The following CLIC5 variants were observed in gnomAD, a reference collection of about 807,000 sequenced individuals.
The protein encoded by CLIC5 is CLIC family member 5.
CLIC5 carries 20 observed loss-of-function variants against 24.7 expected under a neutral mutation model. The observed-to-expected ratio is 0.81, with a 90% CI of 0.57 to 1.18. The LOEUF (loss-of-function observed/expected upper bound fraction) is 1.18, where lower values mean the gene tolerates loss of function less well. Ranked by LOEUF, CLIC5 falls within the 50% of genes most tolerant of loss-of-function variation. The pLI, the probability that CLIC5 is intolerant of heterozygous loss-of-function variation, is 0.00. For synonymous variants in CLIC5, 159 were observed against 135.6 expected (o/e 1.17, Z -1.20); for missense variants, 341 against 326.1 (o/e 1.05, Z -0.35).
At chr6:45,983,846 T>C (rs1765645003) in intron 1 of CLIC5, among the ~76,000 whole-genome samples, 3 of 152,216 alleles carry the variant, frequency 2.0e-5, no homozygotes, top group Admixed American at 2.0e-4. Flanking sequence ...AGTTATTTCC[T>C]TAATAGCACT....
chr6:46,123,426 G>C, the CLIC5 span, among the ~76,000 whole-genome samples: 1 of 151,986 alleles, frequency 6.6e-6, no homozygotes, highest in Non-Finnish European at 1.5e-5. Flanking sequence ...ATTGATGGGA[G>C]GTATCTAAAA....
chr6:45,885,000 G>T (rs1314506638), intron 6 of CLIC5, among the ~76,000 whole-genome samples: 1 of 61,904 alleles, frequency 1.6e-5, no homozygotes, highest in Admixed American at 1.5e-4. Context: ...TTTTCATCAA[G>T]GGCCAAAAAA....
intron 5 of CLIC5, among the ~76,000 whole-genome samples, chr6:45,903,597 A>T (rs1009638304): frequency 6.6e-6 from 1 of 152,224 alleles, no homozygotes; most frequent in Admixed American, 6.5e-5. Flanking sequence ...CCAAAGTCCA[A>T]CAATATATGA....
chr6:46,044,115 T>C (rs1374609691), intron 1 of CLIC5, among the ~76,000 whole-genome samples: 1 of 152,198 alleles, frequency 6.6e-6, no homozygotes, highest in East Asian at 1.9e-4. Flanking sequence ...ATTAGCACAG[T>C]AGTCACCCAT....
chr6:45,951,365 C>T (rs1764462694), intron 2 of CLIC5, among the ~76,000 whole-genome samples: 1 of 152,148 alleles, frequency 6.6e-6, no homozygotes, highest in Non-Finnish European at 1.5e-5. Context: ...ATTAACTGAA[C>T]AATTAATTGA....
intron 1 of CLIC5, among the ~76,000 whole-genome samples, chr6:46,045,494 G>C (rs1304070894): frequency 1.3e-5 from 2 of 152,072 alleles, no homozygotes; most frequent in Non-Finnish European, 2.9e-5. Flanking sequence ...AGAGTCACTG[G>C]CCCATTCTCC....
In CLIC5 at chr6:46,010,188, T is replaced by C. The variant is rs144297529; in HGVS notation, c.63+5292A>G. Among the ~76,000 whole-genome samples, 1,142 of 152,254 alleles carry C rather than the reference T, an allele frequency of 7.5e-3. 10 individuals carry two copies. Among genetic ancestry groups the C allele is most frequent in the Non-Finnish European group, 0.013 (874 of 68,016 alleles). ...GTTCTGAGATGTGAGATTCAGCTGG[T>C]AGGACTGAGCCTCTGACTTCTTGTA... On this transcript the variant is annotated intron_variant, in intron 1 of 5. Coordinates refer to ENST00000339561, the MANE Select transcript of CLIC5 (RefSeq NM_016929.5).
intron 1 of CLIC5, among the ~76,000 whole-genome samples, chr6:46,041,432 T>C (rs1463161066): frequency 1.1e-4 from 16 of 152,136 alleles, no homozygotes; most frequent in Admixed American, 1.0e-3. Flanking sequence ...GGCTCCTAAC[T>C]AACTAATATT....
intron 4 of CLIC5, among the ~76,000 whole-genome samples, chr6:45,926,191 A>G (rs1763477619): frequency 6.6e-6 from 1 of 150,868 alleles, no homozygotes; most frequent in South Asian, 2.1e-4. Context: ...ACACACACAC[A>G]CATACACACA....
At chr6:46,055,430 G>T (rs933983551) in intron 1 of CLIC5, among the ~76,000 whole-genome samples, 2 of 152,116 alleles carry the variant, frequency 1.3e-5, no homozygotes, top group African/African-American at 2.4e-5. Flanking sequence ...TAGAGATGGG[G>T]TTTTGCCATG....
At chr6:45,971,697 G>A (rs377501279) in intron 1 of CLIC5, among the ~76,000 whole-genome samples, 50 of 152,294 alleles carry the variant, frequency 3.3e-4, no homozygotes, top group African/African-American at 1.1e-3. Context: ...GAGGCTGCTG[G>A]AAACATAATA....
At chr6:46,018,102 T>A (rs1228714483), upstream of CLIC5, among the ~76,000 whole-genome samples, 4 of 152,226 alleles carry the variant, frequency 2.6e-5, no homozygotes, top group Non-Finnish European at 5.9e-5. Context: ...AGAGGGAGAC[T>A]GGTGCCTTCG....
At chr6:46,084,248 T>C (rs1762984170), upstream of CLIC5, among the ~76,000 whole-genome samples, 1 of 152,184 alleles carries the variant, frequency 6.6e-6, no homozygotes, top group Non-Finnish European at 1.5e-5. Flanking sequence ...GTCTGTGTCT[T>C]TTAATTGGAG....
intron 1 of CLIC5, among the ~76,000 whole-genome samples, chr6:45,963,614 G>A (rs2127396158): frequency 6.6e-6 from 1 of 151,574 alleles, no homozygotes; most frequent in East Asian, 1.9e-4. Context: ...CAATAACTCT[G>A]GCTTCTAGGC....
intron 1 of CLIC5, among the ~76,000 whole-genome samples, chr6:46,041,120 T>C (rs1433709194): frequency 6.6e-6 from 1 of 152,130 alleles, no homozygotes; most frequent in Non-Finnish European, 1.5e-5. Context: ...TATGAGGAAA[T>C]ATGCATATGA....
chr6:46,090,431 T>C, the CLIC5 span, among the ~76,000 whole-genome samples: 1 of 151,582 alleles, frequency 6.6e-6, no homozygotes, highest in East Asian at 1.9e-4. Context: ...CACTTCCCAA[T>C]TATTTTGCTT....
At chr6:46,078,882 A>T (rs920945470) in intron 1 of CLIC5, among the ~76,000 whole-genome samples, 11 of 152,198 alleles carry the variant, frequency 7.2e-5, no homozygotes, top group Non-Finnish European at 1.5e-4. Context: ...AGTATGAACT[A>T]TGGTTTCTGT....
the CLIC5 span, among the ~76,000 whole-genome samples, chr6:46,093,300 A>T: frequency 6.6e-6 from 1 of 152,148 alleles, no homozygotes; most frequent in African/African-American, 2.4e-5. Flanking sequence ...ATTTACCTTT[A>T]TATCTCCAAT....
At chr6:46,036,366 GT>G (rs139856128) in intron 1 of CLIC5, among the ~76,000 whole-genome samples, 23,369 of 131,718 alleles carry the variant, frequency 0.18, 2,270 homozygotes, top group African/African-American at 0.3. Flanking sequence ...CTGGAGTGCA[GT>G]TGGCGCGGTC....
Sources: gnomAD v4.1 joint callset for allele counts (sites outside exome capture counted in the v4.1 genomes callset) on GRCh38, gnomAD v4.1.1 for gene constraint, MANE v1.5 for transcripts, NCBI Gene and HGNC (gene_info 2026-07-23, HGNC 2026-07-21) for gene names.